The following CBLB variants were observed in gnomAD, a reference collection of about 807,000 sequenced individuals.
The protein encoded by CBLB is E3 ubiquitin-protein ligase CBL-B.
CBLB carries 31 observed loss-of-function variants against 104.9 expected under a neutral mutation model. The observed-to-expected ratio is 0.30, with a 90% confidence interval of 0.22 to 0.40. The LOEUF is 0.40. Among genes scored for constraint, CBLB ranks in the 10% least tolerant of loss-of-function variants. The pLI is 1.00. For synonymous variants in CBLB, 440 were observed against 422.6 expected, an observed-to-expected ratio of 1.04 and a Z score of -0.51; for missense variants, 1,062 against 1,214.6, an observed-to-expected ratio of 0.87 and a Z score of 1.87.
intron 5 of CBLB, among the ~76,000 whole-genome samples, chr3:105,747,555 G>A (rs528598237): frequency 6.6e-6 from 1 of 152,156 alleles, no homozygotes; most frequent in South Asian, 2.1e-4. Flanking sequence ...CAAGAAAGGC[G>A]CTCTAGAGAA....
intron 3 of CBLB, among the ~76,000 whole-genome samples, chr3:105,839,105 T>C (rs903717285): frequency 1.3e-5 from 2 of 152,150 alleles, no homozygotes; most frequent in African/African-American, 4.8e-5. Flanking sequence ...AGACAGAAGG[T>C]CAGAAACTGC....
intron 3 of CBLB, among the ~76,000 whole-genome samples, chr3:105,780,660 GTTTTTTTTTTTT>G: frequency 1.1e-5 from 1 of 94,036 alleles, no homozygotes; most frequent in African/African-American, 4.3e-5. Context: ...TTTGTTTTTT[GTTTTTTTTTTTT>G]TTTTTTTTGA....
chr3:105,772,038 T>C (rs1022655907), intron 4 of CBLB, among the ~76,000 whole-genome samples: 1 of 152,066 alleles, frequency 6.6e-6, no homozygotes, highest in South Asian at 2.1e-4. Flanking sequence ...AAGATTCGTA[T>C]GGAACCAAAA....
chr3:105,855,109 T>C (rs907347122), intron 2 of CBLB, among the ~76,000 whole-genome samples: 1 of 152,216 alleles, frequency 6.6e-6, no homozygotes, highest in Non-Finnish European at 1.5e-5. Flanking sequence ...GTTTAATTAC[T>C]GTCAGCAATC....
intron 4 of CBLB, among the ~76,000 whole-genome samples, chr3:105,775,634 A>T (rs1480469914): frequency 6.6e-6 from 1 of 152,174 alleles, no homozygotes; most frequent in Non-Finnish European, 1.5e-5. Context: ...TACTGGGGAA[A>T]CCACTTGCCT....
chr3:105,859,417 C>T (rs1431014648), intron 2 of CBLB, among the ~76,000 whole-genome samples: 1 of 151,998 alleles, frequency 6.6e-6, no homozygotes. Context: ...TTTGGGAGGC[C>T]GAGGCGAGCG....
intron 18 of CBLB, among the ~76,000 whole-genome samples, 159 bp from the exon 19 acceptor site, chr3:105,659,388 T>C (rs773775918): frequency 2.6e-5 from 4 of 152,202 alleles, no homozygotes; most frequent in East Asian, 1.9e-4. Context: ...GTGAGATAGG[T>C]AGTATTATCC....
intron 12 of CBLB, among the ~76,000 whole-genome samples, chr3:105,698,365 T>C (rs2068654733): frequency 6.6e-6 from 1 of 152,044 alleles, no homozygotes. Flanking sequence ...ATGGTTCTTC[T>C]GGATGATGGG....
At chr3:105,690,595 G>A (rs960047129) in intron 13 of CBLB, among the ~76,000 whole-genome samples, 2 of 152,016 alleles carry the variant, frequency 1.3e-5, no homozygotes, top group African/African-American at 2.4e-5. Flanking sequence ...AGTGTGAGGC[G>A]GGTGGATCAC....
At chr3:105,738,513 T>C (rs867675664) in intron 7 of CBLB, among the ~76,000 whole-genome samples, 22 of 151,976 alleles carry the variant, frequency 1.4e-4, no homozygotes, top group African/African-American at 5.1e-4. Flanking sequence ...ACCCTAAAAA[T>C]TGGCCATTTA....
intron 6 of CBLB, among the ~76,000 whole-genome samples, chr3:105,743,231 G>A (rs2075779979): frequency 6.6e-6 from 1 of 152,052 alleles, no homozygotes; most frequent in Non-Finnish European, 1.5e-5. Context: ...ACTGAGCAAG[G>A]TGGATCATTT....
intron 8 of CBLB, 93 bp downstream of exon 8, chr3:105,737,078 G>C (rs1244852824): frequency 1.8e-6 from 1 of 567,496 alleles, no homozygotes; most frequent in Non-Finnish European, 3.2e-6. Flanking sequence ...TTAAATACCT[G>C]TGCATGATTT....
intron 4 of CBLB, among the ~76,000 whole-genome samples, chr3:105,759,272 G>C (rs2077377305): frequency 6.6e-6 from 1 of 152,170 alleles, no homozygotes; most frequent in Non-Finnish European, 1.5e-5. Context: ...TCAGAAGGAA[G>C]GAAGTGTGTG....
chr3:105,832,974 G>T (rs889204897), intron 3 of CBLB, among the ~76,000 whole-genome samples: 1 of 152,110 alleles, frequency 6.6e-6, no homozygotes, highest in Non-Finnish European at 1.5e-5. Flanking sequence ...TTTAAGTTAT[G>T]ATACGAAAGA....
intron 12 of CBLB, among the ~76,000 whole-genome samples, chr3:105,698,220 T>C (rs908409900): frequency 1.3e-5 from 2 of 152,044 alleles, no homozygotes; most frequent in Non-Finnish European, 2.9e-5. Flanking sequence ...TTCTTAGACT[T>C]CACTTTAACT....
At chr3:105,741,094 G>T (rs1370858617) in intron 6 of CBLB, among the ~76,000 whole-genome samples, 1 of 53,558 alleles carries the variant, frequency 1.9e-5, no homozygotes, top group Non-Finnish European at 3.6e-5. Context: ...TAAAAATTAG[G>T]GTTTTTTTTT....
intron 2 of CBLB, among the ~76,000 whole-genome samples, chr3:105,865,797 C>T (rs568407836): frequency 5.3e-5 from 8 of 152,146 alleles, no homozygotes; most frequent in Admixed American, 2.6e-4. Context: ...AAGAACAGCC[C>T]CTTTATAGAA....
intron 10 of CBLB, among the ~76,000 whole-genome samples, chr3:105,718,896 T>C (rs960994976): frequency 1.3e-5 from 2 of 152,204 alleles, no homozygotes; most frequent in African/African-American, 4.8e-5. Context: ...TAGCCTGATA[T>C]CCAAGAGTCT....
chr3:105,710,464 T>C (rs989168379), intron 10 of CBLB, among the ~76,000 whole-genome samples: 1 of 151,906 alleles, frequency 6.6e-6, no homozygotes, highest in Non-Finnish European at 1.5e-5. Context: ...GACACAAACA[T>C]CCTTTCAAGT....
Sources: allele counts gnomAD v4.1 joint callset (sites outside exome capture counted in the v4.1 genomes callset), GRCh38; gene constraint gnomAD v4.1.1; transcripts MANE v1.5; gene names NCBI Gene and HGNC (gene_info 2026-07-23, HGNC 2026-07-21).